Variants in CCNL1 observed in about 807,000 individuals in gnomAD.
The protein encoded by CCNL1 is cyclin L1.
A neutral mutation model predicts 60.6 loss-of-function variants in CCNL1; 13 were observed. That is an observed-to-expected ratio of 0.21 (90% CI 0.14 to 0.34). The LOEUF is 0.34. Ranked by LOEUF, CCNL1 falls within the 10% of genes least tolerant of loss-of-function variation. The pLI is 1.00. For synonymous variants in CCNL1, 270 were observed against 244.3 expected, an observed-to-expected ratio of 1.10 and a Z score of -0.98; for missense variants, 481 against 664.3, an observed-to-expected ratio of 0.72 and a Z score of 3.03.
chr3:157,149,132 G>A (rs933146237), intron 10 of CCNL1, 155 bp downstream of exon 10: 2 of 625,496 alleles, frequency 3.2e-6, no homozygotes, highest in African/African-American at 1.8e-5. Context: ...TGTATGTCCA[G>A]AACATCTCCA....
At chr3:157,147,400 A>C (rs1235878964), downstream of CCNL1, among the ~76,000 whole-genome samples, 1 of 152,196 alleles carries the variant, frequency 6.6e-6, no homozygotes, top group African/African-American at 2.4e-5. Flanking sequence ...TAGCCTACGT[A>C]AAAATCGTAA....
chr3:157,150,499 C>A, intron 5 of CCNL1, 118 bp from the exon 6 acceptor site: 2 of 1,446,608 alleles, frequency 1.4e-6, no homozygotes, highest in Non-Finnish European at 1.8e-6. Context: ...ATATTCACAT[C>A]CTCATATTCT....
chr3:157,149,878 C>T lies in CCNL1; in HGVS notation c.979G>A (p.Ala327Thr). 6.2e-7 allele frequency: 1 copy of T among 1,614,114 alleles called. No individual in the cohort carries two copies. Among genetic ancestry groups the T allele is most frequent in the Non-Finnish European group, 8.5e-7 (1 of 1,179,984 alleles). ...AKGLNPDGTPALSTLGGFSPA... is the reference protein window; with the variant it reads ...AKGLNPDGTPTLSTLGGFSPA... The stretch of plus-strand genomic sequence containing the variant: ...GAAAATCCACCCAGGGTTGAAAGGG[C>T]TGGAGTTCCATCCGGATTCAATCCC... The change falls in exon 8 of 11, where the codon GCC becomes ACC. Residue 327 changes from alanine (A) to threonine (T), a missense_variant. By Grantham distance (58) the Ala-to-Thr change is moderately conservative (BLOSUM62 0). Transcript: ENST00000295926.
chr3:157,159,883 T>G lies in CCNL1; in HGVS notation c.212A>C (p.Gln71Pro), dbSNP rs1448824630. ...CTCACTGGGCAGGTCGAGCCCATCC[T>G]GCATGGATGGGGTGGGCGAGAGCCT... ...EERLSPTPSM[Q>P]DGLDLPSETD... The change falls in exon 1 of 11, where the codon CAG becomes CCG. Residue 71 changes from glutamine (Q) to proline (P), a missense_variant. Transcript: ENST00000295926. 6.2e-7 allele frequency: 1 copy of G among 1,601,024 alleles called. No individual in the cohort carries two copies. The highest frequency in any genetic ancestry group is 8.5e-7 in the Non-Finnish European group (1 of 1,173,850).
intron 3 of CCNL1, 158 bp downstream of exon 3, chr3:157,158,703 ATTATT>A (rs1246019271): frequency 1.9e-6 from 1 of 522,162 alleles, no homozygotes; most frequent in Admixed American, 3.6e-5. Context: ...CTTTTTTCAA[ATTATT>A]TTAAGTATCA....
At position 157,160,063 on chromosome 3, in the gene CCNL1, G is replaced by C; in HGVS notation, c.32C>G (p.Ala11Gly). The C allele has an allele frequency of 6.4e-7, 1 of 1,558,040 alleles. No homozygotes were observed. The highest frequency in any genetic ancestry group is 1.4e-5 in the African/African-American group (1 of 73,618). MASGPHSTAT[A>G]AAAASSAAPS... ...GGCGGCCGATGAGGCGGCTGCGGCA[G>C]CAGTAGCTGTCGAATGAGGCCCGGA... Residue 11 changes from alanine to glycine, a missense_variant, in exon 1 of 11, where the codon GCT (alanine) becomes GGT (glycine). By Grantham distance (60) the Ala-to-Gly change is moderately conservative (BLOSUM62 0). Coordinates refer to ENST00000295926, the MANE Select transcript of CCNL1 (RefSeq NM_020307.4).
chr3:157,148,510 G>C lies in CCNL1; in HGVS notation c.1312C>G (p.Arg438Gly). 6.2e-7 allele frequency: 1 copy of C among 1,614,126 alleles called. No individual in the cohort carries two copies. Among genetic ancestry groups the C allele is most frequent in the Non-Finnish European group, 8.5e-7 (1 of 1,180,026 alleles). ...GGAGAACCATGATTATGATGTCTTC[G>C]AGGGCTTTCACTGTGACTGCGGGAC... ...SRSRSHSESP[R>G]RHHNHGSPHL... The change falls in exon 11 of 11, where the codon CGA becomes GGA. Residue 438 changes from arginine (R) to glycine (G), a missense_variant. Transcript: ENST00000295926.
chr3:157,160,053 G>T lies in CCNL1; in HGVS notation c.42C>A (p.Ala14=), dbSNP rs1226603692. 1.9e-6 allele frequency: 3 copies of T among 1,560,634 alleles called. No individual in the cohort carries two copies. Among genetic ancestry groups the T allele is most frequent in the Non-Finnish European group, 1.7e-6 (2 of 1,152,752 alleles). The change falls in exon 1 of 11, where the codon GCC becomes GCA. Residue 14 remains alanine, a synonymous_variant. Coordinates refer to ENST00000295926, the MANE Select transcript of CCNL1 (RefSeq NM_020307.4). ...CCGCGCTTGGGGCGGCCGATGAGGC[G>T]GCTGCGGCAGCAGTAGCTGTCGAAT... ...GPHSTATAAA[A]ASSAAPSAGG... is the part of the protein sequence containing the mutation.
chr3:157,151,426 G>A (rs1738185359), intron 5 of CCNL1: 3 of 985,758 alleles, frequency 3.0e-6, no homozygotes, highest in Non-Finnish European at 3.6e-6. Flanking sequence ...AAGCATTTAA[G>A]CAATATTATA....
chr3:157,156,269 T>A (rs547586879), intron 3 of CCNL1, among the ~76,000 whole-genome samples: 21 of 152,318 alleles, frequency 1.4e-4, no homozygotes, highest in Admixed American at 3.9e-4. Context: ...TTAAACAAAC[T>A]GAAGGCCACC....
intron 4 of CCNL1, chr3:157,152,474 G>A (rs1483891630): frequency 2.5e-6 from 3 of 1,219,586 alleles, no homozygotes; most frequent in African/African-American, 3.2e-5. Context: ...GCAATTAAAA[G>A]AATATTTTTC....
downstream of CCNL1, among the ~76,000 whole-genome samples, chr3:157,144,999 C>G (rs1737738589): frequency 6.6e-6 from 1 of 152,160 alleles, no homozygotes; most frequent in South Asian, 2.1e-4. Flanking sequence ...AAACCTAGAA[C>G]TTCAGTTCTA....
intron 3 of CCNL1, 105 bp from the exon 4 acceptor site, chr3:157,153,261 A>T: frequency 1.7e-6 from 2 of 1,163,514 alleles, no homozygotes; most frequent in Middle Eastern, 2.5e-4. Context: ...AACAGAAACC[A>T]GCTTTTTAAA....
chr3:157,160,008 C>G lies in CCNL1; in HGVS notation c.87G>C (p.Thr29=). Residue 29 remains threonine (T), a synonymous_variant, in exon 1 of 11, where the codon ACG becomes ACC. Coordinates refer to ENST00000295926, the MANE Select transcript of CCNL1 (RefSeq NM_020307.4). ...APSAGGSSSG[T]TTTTTTTTGG... ...CCGTCGTGGTCGTCGTCGTGGTCGTCGTCCCGGAGCTGGAGCCGCCCGCGC... is the reference window on the plus strand; with the variant it reads ...CCGTCGTGGTCGTCGTCGTGGTCGTGGTCCCGGAGCTGGAGCCGCCCGCGC... 1 of 1,572,708 alleles carries G rather than the reference C, an allele frequency of 6.4e-7. No homozygotes were observed. Among genetic ancestry groups the G allele is most frequent in the Non-Finnish European group, 8.6e-7 (1 of 1,159,434 alleles).
chr3:157,160,128 C>G lies in CCNL1; in HGVS notation c.-34G>C. ...CGAGCCGCACGCAAGCCCAACGCAG[C>G]CGGAACCCGAAACAAGACTAACCAG... On this transcript the variant is annotated 5_prime_UTR_variant, in exon 1 of 11. Transcript: ENST00000295926. The G allele has an allele frequency of 2.0e-6, 3 of 1,525,584 alleles. No homozygotes were observed. The highest frequency in any genetic ancestry group is 2.6e-6 in the Non-Finnish European group (3 of 1,134,152). 94.5% of individuals were successfully genotyped at this position (1,525,584 alleles called of 1,614,324 possible). A position where few individuals can be genotyped will look rare whatever the true frequency, so the allele number is the denominator to read the frequency against.
Position 157,148,185 on chromosome 3 carries a change from A to C in CCNL1, c.*56T>G. 6.4e-7 allele frequency: 1 copy of C among 1,560,688 alleles called. No individual in the cohort carries two copies. Among genetic ancestry groups the C allele is most frequent in the Non-Finnish European group, 8.6e-7 (1 of 1,156,160 alleles). On this transcript the variant is annotated 3_prime_UTR_variant, in exon 11 of 11. Coordinates refer to ENST00000295926, the MANE Select transcript of CCNL1 (RefSeq NM_020307.4). ...TTAATGTTTTTGATTGAGTCCATACATCACACTGTAGATAGGCAAAACCAA... is the reference window on the plus strand; with the variant it reads ...TTAATGTTTTTGATTGAGTCCATACCTCACACTGTAGATAGGCAAAACCAA...
intron 8 of CCNL1, 42 bp downstream of exon 8, chr3:157,149,794 T>C (rs775703560): frequency 2.5e-6 from 4 of 1,591,992 alleles, no homozygotes; most frequent in Non-Finnish European, 3.4e-6. Flanking sequence ...AAAGACACAC[T>C]TTCAGTGCCC....
rs373787459 is a variant in CCNL1 at position 157,159,423 on chromosome 3, G to T, written c.360C>A (p.Phe120Leu). 6.2e-7 allele frequency: 1 copy of T among 1,614,124 alleles called. No homozygotes were observed. The highest frequency in any genetic ancestry group is 8.5e-7 in the Non-Finnish European group (1 of 1,179,998). Reference protein sequence around the residue: ...LFHRFFYSKSFVKHSFEIVAM... With the variant: ...LFHRFFYSKSLVKHSFEIVAM... ...TGCTTACCTCGAAACTGTGTTTGAC[G>T]AAAGATTTGGAGTAGAAAAAACGAT... Residue 120 changes from phenylalanine (F) to leucine (L), a missense_variant, in exon 2 of 11, where the codon TTC (phenylalanine) becomes TTA (leucine). Phe to Leu is a conservative substitution (Grantham distance 22). Around this residue, in one of 5 missense-constraint regions of CCNL1, gnomAD observed 130 missense variants for 174.5 expected, o/e 0.75. Transcript: ENST00000295926.
intron 4 of CCNL1, 69 bp from the exon 5 acceptor site, chr3:157,152,310 A>C: frequency 6.4e-7 from 1 of 1,561,698 alleles, no homozygotes; most frequent in Non-Finnish European, 8.6e-7. Flanking sequence ...TTCAATGAAA[A>C]AAGTAATTGA....
Sources: allele counts gnomAD v4.1 joint callset (sites outside exome capture counted in the v4.1 genomes callset), GRCh38; gene constraint gnomAD v4.1.1; regional missense constraint gnomAD v4.1.1; transcripts MANE v1.5; gene names NCBI Gene and HGNC (gene_info 2026-07-23, HGNC 2026-07-21).